The following ABCC5 variants were observed in gnomAD, a reference collection of about 807,000 sequenced individuals.
ABCC5 encodes the protein ATP-binding cassette sub-family C member 5.
In ABCC5, 61 loss-of-function variants were observed where a neutral mutation model predicts 160.9. The observed-to-expected ratio is 0.38, with a 90% CI of 0.31 to 0.47. The LOEUF (loss-of-function observed/expected upper bound fraction) is 0.47. ABCC5 is among the 20% of genes least tolerant of loss of function. The pLI, the probability that ABCC5 is intolerant of heterozygous loss-of-function variation, is 0.99. For synonymous variants in ABCC5, 666 were observed against 700.6 expected, an observed-to-expected ratio of 0.95 and a Z score of 0.78; for missense variants, 1,308 against 1,813.3, an observed-to-expected ratio of 0.72 and a Z score of 5.06.
chr3:183,953,734 G>A (rs777671746), intron 17 of ABCC5, among the ~76,000 whole-genome samples: 4 of 152,272 alleles, frequency 2.6e-5, no homozygotes, highest in African/African-American at 4.8e-5. Context: ...ACAGATGACC[G>A]GGTGGGGAAA....
rs1711909881 is a variant in ABCC5, at chr3:183,920,927, C to T, written c.*373G>A. 1 of 159,394 alleles carries T rather than the reference C, an allele frequency of 6.3e-6. No individual in the cohort carries two copies. The highest frequency in any genetic ancestry group is 2.4e-5 in the African/African-American group (1 of 41,692). 9.9% of individuals were successfully genotyped at this position (159,394 alleles called of 1,614,324 possible). ...AATATGCACTGTTATTAGCACAGTG[C>T]TTATTTTAATATAAAATAAACAGCT... On this transcript the variant is annotated 3_prime_UTR_variant, in exon 30 of 30. Coordinates refer to ENST00000334444, the MANE Select transcript of ABCC5 (RefSeq NM_005688.4). The surrounding 1 kb of genome is among the most constrained non-coding windows in gnomAD (Gnocchi z 4.1).
chr3:183,971,517 T>C lies in ABCC5; in HGVS notation c.1761+46A>G, dbSNP rs781295077. The C allele has an allele frequency of 5.2e-6, 8 of 1,546,940 alleles. No homozygotes were observed. In the East Asian group the frequency reaches 1.8e-4, roughly 35 times the overall value. ...GCCGCCTATTGGTGGCAGATCAGCATGGGGTGGTGGGGTGCGGGCAGGGAG... is the reference window on the plus strand; with the variant it reads ...GCCGCCTATTGGTGGCAGATCAGCACGGGGTGGTGGGGTGCGGGCAGGGAG... On this transcript the variant is annotated intron_variant, in intron 11 of 29. Transcript: ENST00000334444.
chr3:183,933,074 A>T (rs1487726649), intron 26 of ABCC5, among the ~76,000 whole-genome samples: 1 of 150,758 alleles, frequency 6.6e-6, no homozygotes, highest in Non-Finnish European at 1.5e-5. Context: ...AAGCTGAGGC[A>T]GGAGAACTGC....
rs552547178 is a variant in ABCC5, at chr3:183,960,959, T to C, written c.2379+552A>G. On this transcript the variant is annotated intron_variant, in intron 16 of 29. Transcript: ENST00000334444. ...TGCCACCACACCTGGCTAATTTTTG[T>C]ATTTTTTTGTAAAGACGGGGTTTCT... Among the ~76,000 whole-genome samples, 3 of 152,186 alleles carry C rather than the reference T, an allele frequency of 2.0e-5. No individual in the cohort carries two copies. The South Asian group carries it at 6.2e-4, about 32-fold the overall frequency.
At chr3:183,946,059 T>G (rs1714811664) in intron 23 of ABCC5, 120 bp from the exon 24 acceptor site, 14 of 873,298 alleles carry the variant, frequency 1.6e-5, no homozygotes, top group Non-Finnish European at 2.7e-5. Context: ...GCAGCTGGTC[T>G]TAGGGACCTA....
intron 2 of ABCC5, among the ~76,000 whole-genome samples, chr3:183,995,084 G>A (rs747325467): frequency 2.0e-5 from 3 of 151,720 alleles, no homozygotes; most frequent in Admixed American, 6.6e-5. Context: ...GGGCTCAAGC[G>A]ATCCTCCCAC....
intron 22 of ABCC5, among the ~76,000 whole-genome samples, chr3:183,948,094 G>A (rs1409485774): frequency 2.6e-5 from 4 of 152,282 alleles, no homozygotes; most frequent in African/African-American, 9.6e-5. Context: ...AGCATGGCAC[G>A]GCCATCAGTA....
chr3:183,923,816 T>C (rs1712242234), intron 29 of ABCC5, among the ~76,000 whole-genome samples: 1 of 152,084 alleles, frequency 6.6e-6, no homozygotes, highest in Non-Finnish European at 1.5e-5. Flanking sequence ...AATTTCAAGA[T>C]GAGGAGAAAA....
In ABCC5 at chr3:183,963,669, T is replaced by C; in HGVS notation, c.2032-81A>G. ...AGGGGTCACCCAGTCACTTCTCTTC[T>C]TGCCCACCCAGACCAGCTCCTTCTG... On this transcript the variant is annotated intron_variant, in intron 14 of 29. Transcript: ENST00000334444. This position sits in a 1 kb window ranked among gnomAD's most constrained non-coding sequence, Gnocchi z 4.6. 7.3e-7 allele frequency: 1 copy of C among 1,377,046 alleles called. No homozygotes were observed. Among genetic ancestry groups the C allele is most frequent in the Non-Finnish European group, 1.0e-6 (1 of 994,034 alleles). 85.3% of individuals were successfully genotyped at this position (1,377,046 alleles called of 1,614,324 possible). A position where few individuals can be genotyped will look rare whatever the true frequency, so the allele number is the denominator to read the frequency against.
intron 24 of ABCC5, among the ~76,000 whole-genome samples, chr3:183,945,158 CCT>C (rs1714724219): frequency 6.6e-6 from 1 of 152,210 alleles, no homozygotes; most frequent in Non-Finnish European, 1.5e-5. Context: ...GTGACTTAAA[CCT>C]CTTTCTTCAT....
In ABCC5 at chr3:183,987,835, G is replaced by A. The variant is rs866254315; in HGVS notation, c.526C>T (p.Arg176Cys). The A allele has an allele frequency of 9.9e-6, 16 of 1,613,788 alleles. No homozygotes were observed. The highest frequency in any genetic ancestry group is 4.5e-5 in the East Asian group (2 of 44,864). The change falls in exon 5 of 30, where the codon CGC becomes TGC. Residue 176 changes from arginine to cysteine, a missense_variant. Arg to Cys is a radical substitution (Grantham distance 180). Around this residue, in one of 3 missense-constraint regions of ABCC5, gnomAD observed 1,142 missense variants for 1,527.1 expected, o/e 0.75. Transcript: ENST00000334444. The surrounding 1 kb of genome is among the most constrained non-coding windows in gnomAD (Gnocchi z 4.2). ...SLRRVVWIFCRTRLILSIVCL... is the reference protein window; with the variant it reads ...SLRRVVWIFCCTRLILSIVCL... ...ACGATGGACAGGATGAGCCTGGTGCGGCAGAAGATCCACACAACCCTTCGC... is the reference window on the plus strand; with the variant it reads ...ACGATGGACAGGATGAGCCTGGTGCAGCAGAAGATCCACACAACCCTTCGC...
intron 2 of ABCC5, among the ~76,000 whole-genome samples, chr3:183,992,408 T>C (rs1412612876): frequency 1.3e-5 from 2 of 152,162 alleles, no homozygotes; most frequent in Non-Finnish European, 2.9e-5. Flanking sequence ...AGGCATTAAA[T>C]GGAAACCAGA....
chr3:183,937,142 C>T (rs937037998), intron 26 of ABCC5, among the ~76,000 whole-genome samples: 2 of 151,868 alleles, frequency 1.3e-5, no homozygotes, highest in African/African-American at 2.4e-5. Flanking sequence ...TTTGGGAGGC[C>T]GAGGCGGGTG....
At chr3:183,942,062 C>T (rs1004992762) in intron 25 of ABCC5, among the ~76,000 whole-genome samples, 16 of 150,582 alleles carry the variant, frequency 1.1e-4, no homozygotes, top group South Asian at 8.4e-4. Context: ...TTTTTTGAGA[C>T]GGAGTCTCGC....
rs112538710 is a variant in ABCC5, at chr3:183,994,414, C to T, written c.130-5031G>A. 3.8e-3 allele frequency among the ~76,000 whole-genome samples: 578 copies of T among 152,074 alleles called. 7 individuals are homozygous for T. Among genetic ancestry groups the T allele is most frequent in the African/African-American group, 0.013 (538 of 41,482 alleles). Reference sequence around the variant, plus strand: ...CCCCCAAGACGGAGTCTTGATCTGTCGCCCAGACTGGTGTGCAGTGGTGCA... The same window carrying T: ...CCCCCAAGACGGAGTCTTGATCTGTTGCCCAGACTGGTGTGCAGTGGTGCA... On this transcript the variant is annotated intron_variant, in intron 2 of 29. Transcript: ENST00000334444.
At chr3:183,983,144 C>G (rs1163938236) in intron 5 of ABCC5, 137 bp from the exon 6 acceptor site, 3 of 721,446 alleles carry the variant, frequency 4.2e-6, no homozygotes, top group Non-Finnish European at 6.9e-6. Context: ...TTTGGAAGAC[C>G]CAATTATTAC....
At chr3:183,922,322 A>G (rs1712081316) in intron 29 of ABCC5, among the ~76,000 whole-genome samples, 2 of 152,226 alleles carry the variant, frequency 1.3e-5, no homozygotes, top group Non-Finnish European at 2.9e-5. Context: ...TGGTGAGCAG[A>G]GATCGTGCTA....
intron 24 of ABCC5, 72 bp downstream of exon 24, chr3:183,945,778 A>G (rs1365186750): frequency 9.1e-6 from 11 of 1,211,804 alleles, no homozygotes; most frequent in Admixed American, 1.7e-5. Flanking sequence ...TTGTACACCC[A>G]GCTGAGGCAG....
In ABCC5 at chr3:183,973,049, C is replaced by CTT. The variant is rs11289102; in HGVS notation, c.1405-1132_1405-1131dup. Among the ~76,000 whole-genome samples the CTT allele has an allele frequency of 3.4e-3, 367 of 108,400 alleles. 9 individuals carry two copies. Among genetic ancestry groups the CTT allele is most frequent in the African/African-American group, 4.2e-3 (114 of 27,186 alleles). 71.1% of individuals were successfully genotyped at this position (108,400 alleles called of 152,430 possible). The stretch of plus-strand genomic sequence containing the variant: ...ATTTTCCCGTAAGACTTTGAATCCA[C>CTT]TTTTTTTTTTTTTTTTTTTTGGTGA... On this transcript the variant is annotated intron_variant, in intron 10 of 29. Transcript: ENST00000334444.
Sources: gnomAD v4.1 joint callset for allele counts (sites outside exome capture counted in the v4.1 genomes callset) on GRCh38, gnomAD v4.1.1 for gene constraint, gnomAD v4.1.1 regional missense constraint, Gnocchi (gnomAD v3.1) non-coding constraint, MANE v1.5 for transcripts, NCBI Gene and HGNC (gene_info 2026-07-23, HGNC 2026-07-21) for gene names.